The following SLC1A2 variants were observed in gnomAD, a reference collection of about 807,000 sequenced individuals.
SLC1A2 encodes solute carrier family 1 member 2.
In SLC1A2, 15 loss-of-function variants were observed where a neutral mutation model predicts 48.8. The ratio of observed to expected loss-of-function variants is 0.31; its 90% CI spans 0.21 to 0.47. The LOEUF (loss-of-function observed/expected upper bound fraction) is 0.47. Among genes scored for constraint, SLC1A2 ranks in the 20% least tolerant of loss-of-function variants. SLC1A2 has a pLI of 0.99. For synonymous variants in SLC1A2, 279 were observed against 272.6 expected (o/e 1.02, Z -0.23); for missense variants, 502 against 730.5 (o/e 0.69, Z 3.61).
chr11:35,303,602 T>G (rs572879700), intron 5 of SLC1A2, among the ~76,000 whole-genome samples: 1 of 152,258 alleles, frequency 6.6e-6, no homozygotes, highest in South Asian at 2.1e-4. Context: ...TATTACTTGG[T>G]TAATTTCATT....
intron 1 of SLC1A2, among the ~76,000 whole-genome samples, chr11:35,397,561 A>G (rs1352323450): frequency 1.3e-5 from 2 of 152,090 alleles, no homozygotes; most frequent in African/African-American, 2.4e-5. Flanking sequence ...CGTTAGACCT[A>G]AAACCATAAA....
intron 7 of SLC1A2, among the ~76,000 whole-genome samples, chr11:35,287,809 T>C (rs1850875731): frequency 6.6e-6 from 1 of 152,178 alleles, no homozygotes; most frequent in African/African-American, 2.4e-5. Context: ...TGGATAGAAG[T>C]GCCTGGGAGG....
chr11:35,293,980 T>G (rs2134754755), intron 6 of SLC1A2, among the ~76,000 whole-genome samples: 1 of 152,314 alleles, frequency 6.6e-6, no homozygotes, highest in South Asian at 2.1e-4. Flanking sequence ...GGGGATTAAA[T>G]TTTTGAGCAT....
chr11:35,317,289 A>G, intron 2 of SLC1A2, 88 bp downstream of exon 2: 1 of 1,440,850 alleles, frequency 6.9e-7, no homozygotes. Context: ...TTCTGGTGGA[A>G]GGGCTGGCTG....
intron 1 of SLC1A2, among the ~76,000 whole-genome samples, chr11:35,385,666 AG>A (rs1218302546): frequency 6.6e-6 from 1 of 152,212 alleles, no homozygotes; most frequent in Non-Finnish European, 1.5e-5. Flanking sequence ...TATCAAAGAC[AG>A]GGAGCTTGGT....
chr11:35,319,380 G>A (rs142799696), intron 1 of SLC1A2, among the ~76,000 whole-genome samples: 4 of 152,284 alleles, frequency 2.6e-5, no homozygotes, highest in African/African-American at 9.6e-5. Context: ...ACCAGGAAAT[G>A]TCAAACAAAG....
chr11:35,292,336 A>T lies in SLC1A2; in HGVS notation c.1042T>A (p.Phe348Ile). 2 of 1,614,040 alleles carry T rather than the reference A, an allele frequency of 1.2e-6. No homozygotes were observed. Among genetic ancestry groups the T allele is most frequent in the Non-Finnish European group, 1.7e-6 (2 of 1,179,940 alleles). The change falls in exon 7 of 11, where the codon TTT becomes ATT. Residue 348 changes from phenylalanine to isoleucine, a missense_variant. Around this residue, in one of 4 missense-constraint regions of SLC1A2, gnomAD observed 309 missense variants for 480.3 expected, o/e 0.64. Transcript: ENST00000278379. ...ATCCAAGCTTGGAAAATGCCAGCAA[A>T]AAAGGAGAAGGGGTTTTTCCTGGTC... Reference protein sequence around the residue: ...VVTRKNPFSFFAGIFQAWITA... With the variant: ...VVTRKNPFSFIAGIFQAWITA...
chr11:35,343,119 GAATA>G (rs747600434), intron 1 of SLC1A2, among the ~76,000 whole-genome samples: 10 of 152,226 alleles, frequency 6.6e-5, no homozygotes, highest in Non-Finnish European at 1.2e-4. Flanking sequence ...AGTGAGACAG[GAATA>G]ATACAGGGTG....
chr11:35,393,110 A>T (rs1242828539), intron 1 of SLC1A2, among the ~76,000 whole-genome samples: 1 of 152,118 alleles, frequency 6.6e-6, no homozygotes, highest in African/African-American at 2.4e-5. Flanking sequence ...AGATTCAAAC[A>T]TCTCTATCCT....
chr11:35,265,500 C>T, intron 10 of SLC1A2, 27 bp downstream of exon 10: 1 of 1,198,818 alleles, frequency 8.3e-7, no homozygotes, highest in Non-Finnish European at 1.2e-6. Context: ...ATATACAAGT[C>T]TCGATATCCA....
chr11:35,365,607 C>T lies in SLC1A2; in HGVS notation c.18-48091G>A, dbSNP rs2135145362. The stretch of plus-strand genomic sequence containing the variant: ...TAAAACCCCGCTCTGCTGTCTCTGT[C>T]TCTGCAGACTTCCCTGACCATCCCC... On this transcript the variant is annotated intron_variant, in intron 1 of 10. Coordinates refer to ENST00000278379, the MANE Select transcript of SLC1A2 (RefSeq NM_004171.4). 5.5e-5 allele frequency among the ~76,000 whole-genome samples: 3 copies of T among 54,702 alleles called. No homozygotes were observed. In the Middle Eastern group the frequency reaches 0.028, roughly 507 times the overall value. The allele number at this position is 54,702 out of a possible 152,430, so 35.9% of individuals were successfully genotyped here.
Position 35,304,248 on chromosome 11 carries a change from C to A in SLC1A2, c.730+1826G>T, listed in dbSNP as rs1012653966. ...AATCCACCAAGACTCTGGAAACAAC[C>A]AGGAAAGTCTTTGAATGATTCACTC... On this transcript the variant is annotated intron_variant, in intron 5 of 10. Transcript: ENST00000278379. 3.7e-4 allele frequency among the ~76,000 whole-genome samples: 57 copies of A among 152,040 alleles called. 1 individual carries two copies. The highest frequency in any genetic ancestry group is 1.2e-3 in the African/African-American group (50 of 41,388).
intron 1 of SLC1A2, among the ~76,000 whole-genome samples, chr11:35,341,110 A>G (rs939847309): frequency 6.6e-6 from 1 of 152,194 alleles, no homozygotes; most frequent in Non-Finnish European, 1.5e-5. Flanking sequence ...CAATATGCCA[A>G]ACTATCTGAA....
chr11:35,322,897 T>C (rs928147603), intron 1 of SLC1A2: 1 of 618,384 alleles, frequency 1.6e-6, no homozygotes, highest in African/African-American at 1.8e-5. Flanking sequence ...TCTAAGACTT[T>C]CTGGCATTTC....
rs1404421119 is a variant in SLC1A2, at chr11:35,419,364, C to A, written c.-398G>T. 1.4e-5 allele frequency: 3 copies of A among 217,688 alleles called. No individual in the cohort carries two copies. The highest frequency in any genetic ancestry group is 3.4e-4 in the South Asian group (2 of 5,890). 13.5% of individuals were successfully genotyped at this position (217,688 alleles called of 1,614,324 possible). The stretch of plus-strand genomic sequence containing the variant: ...CGGGGCTCGCGGGCGCGGCGAGTGG[C>A]GGGAGCAGAGAGTGGTGGCAGAGGA... On this transcript the variant is annotated 5_prime_UTR_variant, in exon 1 of 11. Transcript: ENST00000278379. This position sits in a 1 kb window ranked among gnomAD's most constrained non-coding sequence, Gnocchi z 5.4.
chr11:35,361,199 G>C (rs553034811), intron 1 of SLC1A2, among the ~76,000 whole-genome samples: 1 of 152,016 alleles, frequency 6.6e-6, no homozygotes, highest in African/African-American at 2.4e-5. Context: ...TAAGATGATG[G>C]GGGTCAAATC....
chr11:35,276,499 G>T (rs1850444402), intron 9 of SLC1A2, among the ~76,000 whole-genome samples: 1 of 151,938 alleles, frequency 6.6e-6, no homozygotes, highest in Admixed American at 6.6e-5. Context: ...ACACACTTCA[G>T]CCCTGGAGTT....
rs2134686296 is a variant in SLC1A2 at position 35,280,978 on chromosome 11, A to G, written c.1310T>C (p.Val437Ala). The G allele has an allele frequency of 6.2e-7, 1 of 1,610,616 alleles. No individual in the cohort carries two copies. Among genetic ancestry groups the G allele is most frequent in the Admixed American group, 1.7e-5 (1 of 59,674 alleles). ...GGCACTGGGGATACTGGCCGCGCCGACGCTTGCCAGGGTGGCTGTGAGGCT... is the reference window on the plus strand; with the variant it reads ...GGCACTGGGGATACTGGCCGCGCCGGCGCTTGCCAGGGTGGCTGTGAGGCT... ...TVSLTATLASVGAASIPSAGL... is the reference protein window; with the variant it reads ...TVSLTATLASAGAASIPSAGL... Residue 437 changes from valine to alanine, a missense_variant, in exon 9 of 11, where the codon GTC (valine) becomes GCC (alanine). This residue lies in a region of SLC1A2 where 309 missense variants were observed against 480.3 expected (regional missense o/e 0.64). Transcript: ENST00000278379.
At chr11:35,357,096 AG>A (rs963572388) in intron 1 of SLC1A2, among the ~76,000 whole-genome samples, 11 of 151,994 alleles carry the variant, frequency 7.2e-5, no homozygotes, top group African/African-American at 2.7e-4. Flanking sequence ...AAAAGAAAAA[AG>A]AAAAAAAAAA....
Sources: gnomAD v4.1 joint callset for allele counts (sites outside exome capture counted in the v4.1 genomes callset) on GRCh38, gnomAD v4.1.1 for gene constraint, gnomAD v4.1.1 regional missense constraint, Gnocchi (gnomAD v3.1) non-coding constraint, MANE v1.5 for transcripts, NCBI Gene and HGNC (gene_info 2026-07-23, HGNC 2026-07-21) for gene names.